ROR1: variants seen among roughly 807,000 people sequenced by gnomAD.
ROR1 encodes the protein inactive tyrosine-protein kinase transmembrane receptor ROR1.
In ROR1, 19 loss-of-function variants were observed where a neutral mutation model predicts 78.8. That is an observed-to-expected ratio of 0.24 (90% CI 0.17 to 0.35). The LOEUF is 0.35. Ranked by LOEUF, ROR1 falls within the 10% of genes least tolerant of loss-of-function variation. The pLI, the probability that ROR1 is intolerant of heterozygous loss-of-function variation, is 1.00. For missense variants in ROR1, 917 were observed against 1,177.8 expected, an observed-to-expected ratio of 0.78 and a Z score of 3.24; for synonymous variants, 386 against 433.6, an observed-to-expected ratio of 0.89 and a Z score of 1.36.
At chr1:64,142,289 A>C in intron 6 of ROR1, 116 bp from the exon 7 acceptor site, 3 of 1,473,418 alleles carry the variant, frequency 2.0e-6, no homozygotes, top group Non-Finnish European at 2.7e-6. Context: ...CCAGCAGGGA[A>C]GCTGTGGCCA....
At chr1:64,020,321 A>G (rs1234588382) in intron 2 of ROR1, among the ~76,000 whole-genome samples, 1 of 152,256 alleles carries the variant, frequency 6.6e-6, no homozygotes, top group Non-Finnish European at 1.5e-5. Flanking sequence ...TTTAAGCTGA[A>G]TTGAACTTTG....
At chr1:64,083,698 G>T (rs149303262) in intron 4 of ROR1, among the ~76,000 whole-genome samples, 575 of 152,210 alleles carry the variant, frequency 3.8e-3, no homozygotes, top group Admixed American at 7.6e-3. Flanking sequence ...ACGGAAGAGA[G>T]AAACCTCTTT....
At chr1:63,934,252 C>T (rs527418918) in intron 1 of ROR1, among the ~76,000 whole-genome samples, 2 of 152,260 alleles carry the variant, frequency 1.3e-5, no homozygotes, top group South Asian at 4.1e-4. Context: ...CCAGTAAGGG[C>T]CTGGCTCTGA....
At chr1:63,911,054 G>C (rs998475972) in intron 1 of ROR1, among the ~76,000 whole-genome samples, 1 of 152,178 alleles carries the variant, frequency 6.6e-6, no homozygotes, top group Non-Finnish European at 1.5e-5. Context: ...TGGCCTTCAG[G>C]TGTCTGATGG....
At chr1:63,932,838 T>C (rs1293344897) in intron 1 of ROR1, among the ~76,000 whole-genome samples, 2 of 152,096 alleles carry the variant, frequency 1.3e-5, no homozygotes, top group Non-Finnish European at 2.9e-5. Context: ...TGGTATTCAT[T>C]CCACTGATTT....
intron 1 of ROR1, among the ~76,000 whole-genome samples, chr1:63,919,034 T>C (rs1645632434): frequency 6.6e-6 from 1 of 152,146 alleles, no homozygotes; most frequent in African/African-American, 2.4e-5. Flanking sequence ...AACTGACAAA[T>C]CTTCCAAAAG....
chr1:64,071,548 C>G (rs188349818), intron 4 of ROR1, among the ~76,000 whole-genome samples: 26 of 152,074 alleles, frequency 1.7e-4, no homozygotes, highest in African/African-American at 6.3e-4. Context: ...ATGTCCCGTT[C>G]TGGTCCACTC....
At chr1:64,170,471 C>T (rs1405395644) in intron 8 of ROR1, among the ~76,000 whole-genome samples, 1 of 152,116 alleles carries the variant, frequency 6.6e-6, no homozygotes, top group Admixed American at 6.5e-5. Flanking sequence ...CTGGTCCCAG[C>T]CCACAAAACC....
At chr1:64,118,632 CAAAAAAAAAAAAAAAAA>C (rs3084938) in intron 4 of ROR1, among the ~76,000 whole-genome samples, 9 of 65,852 alleles carry the variant, frequency 1.4e-4, no homozygotes, top group Non-Finnish European at 2.3e-4. Flanking sequence ...GACTCCATCT[CAAAAAAAAAAAAAAAAA>C]AAAAAAAAAA....
chr1:64,167,478 G>T (rs1003569919), intron 8 of ROR1, among the ~76,000 whole-genome samples: 1 of 152,196 alleles, frequency 6.6e-6, no homozygotes, highest in Non-Finnish European at 1.5e-5. Flanking sequence ...TAAGCCAGAA[G>T]GCACTTAATC....
At chr1:63,827,252 C>T (rs1644959371) in intron 1 of ROR1, among the ~76,000 whole-genome samples, 1 of 152,026 alleles carries the variant, frequency 6.6e-6, no homozygotes, top group South Asian at 2.1e-4. Context: ...TTTACTCTGT[C>T]GTAGTTTCTT....
chr1:64,159,627 T>C (rs949876008), intron 8 of ROR1, among the ~76,000 whole-genome samples: 6 of 152,180 alleles, frequency 3.9e-5, no homozygotes, highest in Admixed American at 3.9e-4. Context: ...TTAAAACCAC[T>C]GTACTATATA....
intron 4 of ROR1, 141 bp downstream of exon 4, chr1:64,050,857 T>G (rs1018017400): frequency 4.9e-6 from 4 of 817,142 alleles, no homozygotes; most frequent in Non-Finnish European, 6.4e-6. Context: ...CATTCCATTT[T>G]GCTTGTTCTC....
chr1:63,974,215 T>G (rs957186730), intron 1 of ROR1, among the ~76,000 whole-genome samples: 2 of 152,196 alleles, frequency 1.3e-5, no homozygotes, highest in Non-Finnish European at 2.9e-5. Flanking sequence ...AATTTGGGTT[T>G]AAACCTTGAA....
rs139436473 is a variant in ROR1, at chr1:63,941,982, C to T, written c.92-67323C>T. 7.9e-5 allele frequency among the ~76,000 whole-genome samples: 12 copies of T among 152,222 alleles called. No individual in the cohort carries two copies. The East Asian group carries it at 1.7e-3, about 22-fold the overall frequency. On this transcript the variant is annotated intron_variant, in intron 1 of 8. Coordinates refer to ENST00000371079, the MANE Select transcript of ROR1 (RefSeq NM_005012.4). ...ATCTCCATTTTACAGAGGAGGAAACCGTGGCAAGAAGGGGAGGCAGAGTGA... is the reference window on the plus strand; with the variant it reads ...ATCTCCATTTTACAGAGGAGGAAACTGTGGCAAGAAGGGGAGGCAGAGTGA...
At chr1:63,879,648 A>G (rs1323700557) in intron 1 of ROR1, among the ~76,000 whole-genome samples, 2 of 152,138 alleles carry the variant, frequency 1.3e-5, no homozygotes, top group South Asian at 2.1e-4. Context: ...AGACCCTGAG[A>G]AGTGAGAGTC....
At chr1:64,001,517 C>T (rs766336947) in intron 1 of ROR1, among the ~76,000 whole-genome samples, 1 of 152,086 alleles carries the variant, frequency 6.6e-6, no homozygotes, top group African/African-American at 2.4e-5. Context: ...GACATTATAC[C>T]ATAATTCTGT....
intron 1 of ROR1, among the ~76,000 whole-genome samples, chr1:64,001,460 G>A (rs1444988618): frequency 6.6e-6 from 1 of 152,166 alleles, no homozygotes; most frequent in Non-Finnish European, 1.5e-5. Context: ...GCAATGAAAT[G>A]GCAGAACTAT....
At chr1:64,027,918 C>A (rs1198039703) in intron 2 of ROR1, among the ~76,000 whole-genome samples, 1 of 152,096 alleles carries the variant, frequency 6.6e-6, no homozygotes, top group Non-Finnish European at 1.5e-5. Flanking sequence ...GATCTCCTGA[C>A]CTCATGATCT....
Sources: allele counts gnomAD v4.1 joint callset (sites outside exome capture counted in the v4.1 genomes callset), GRCh38; gene constraint gnomAD v4.1.1; transcripts MANE v1.5; gene names NCBI Gene and HGNC (gene_info 2026-07-23, HGNC 2026-07-21).